LMBRD2: variants seen among roughly 807,000 people sequenced by gnomAD.
LMBRD2 encodes the protein G protein-coupled receptor-associated protein LMBRD2.
A neutral mutation model predicts 94.4 loss-of-function variants in LMBRD2; 55 were observed. That is an observed-to-expected ratio of 0.58 (90% confidence interval 0.47 to 0.73). LMBRD2 has a LOEUF of 0.73. Among genes scored for constraint, LMBRD2 ranks in the 30% least tolerant of loss-of-function variants. The probability of loss-of-function intolerance (pLI) is 0.00; values close to 1 mark genes in which losing one functional copy is unlikely to be tolerated. For missense variants in LMBRD2, 640 were observed against 831.9 expected (o/e 0.77, Z 2.84); for synonymous variants, 246 against 272.4 (o/e 0.90, Z 0.95).
chr5:36,137,440 T>A lies in LMBRD2; in HGVS notation c.370A>T (p.Ile124Phe). 6.5e-7 allele frequency: 1 copy of A among 1,527,660 alleles called. No individual in the cohort carries two copies. The highest frequency in any genetic ancestry group is 8.9e-7 in the Non-Finnish European group (1 of 1,126,668). The allele number at this position is 1,527,660 out of a possible 1,614,324, so 94.6% of individuals were successfully genotyped here. A position where few individuals can be genotyped will look rare whatever the true frequency, so the allele number is the denominator to read the frequency against. ...VYWTSQFLTW[I>F]LLPFMQSYAR... is the part of the protein sequence containing the mutation. ...TATGACTGCATAAAAGGTAAGAGAATCCTAGATGGATAGAAAAAATATGAT... is the reference window on the plus strand; with the variant it reads ...TATGACTGCATAAAAGGTAAGAGAAACCTAGATGGATAGAAAAAATATGAT... Residue 124 changes from isoleucine to phenylalanine, a missense_variant and splice_region_variant, in exon 5 of 18, where the codon ATT becomes TTT. Physicochemically the swap from Ile to Phe is conservative, Grantham distance 21. This residue lies in a region of LMBRD2 where 457 missense variants were observed against 642.8 expected (regional missense o/e 0.71). Transcript: ENST00000296603.
At chr5:36,138,934 C>T (rs1206776761) in intron 4 of LMBRD2, among the ~76,000 whole-genome samples, 3 of 152,180 alleles carry the variant, frequency 2.0e-5, no homozygotes, top group African/African-American at 7.2e-5. Flanking sequence ...CTGGAGTGGC[C>T]CCCAGCAAAG....
intron 3 of LMBRD2, 40 bp downstream of exon 3, chr5:36,142,462 C>T: frequency 8.9e-7 from 1 of 1,128,392 alleles, no homozygotes; most frequent in Non-Finnish European, 1.3e-6. Flanking sequence ...ACAATGTGTC[C>T]CCTACAATGT....
Position 36,143,385 on chromosome 5 carries a change from C to T in LMBRD2, c.-36G>A. 1 of 1,545,902 alleles carries T rather than the reference C, an allele frequency of 6.5e-7. No individual in the cohort carries two copies. The highest frequency in any genetic ancestry group is 1.1e-5 in the South Asian group (1 of 87,468). ...TTCACTCTGACTAACCAAAGTTATT[C>T]ATGTACAGGTCTGGACCATATCTAT... On this transcript the variant is annotated 5_prime_UTR_variant, in exon 2 of 18. It removes an upstream start codon present in the reference 5' UTR. Transcript: ENST00000296603.
At chr5:36,108,511 G>C in intron 16 of LMBRD2, 23 bp downstream of exon 16, 1 of 1,257,582 alleles carries the variant, frequency 8.0e-7, no homozygotes, top group Non-Finnish European at 1.1e-6. Flanking sequence ...ATTTCCAAGT[G>C]AACTAGAAGA....
rs927787669 is a variant in LMBRD2 at position 36,137,310 on chromosome 5, A to G, written c.500T>C (p.Ile167Thr). The G allele has an allele frequency of 2.1e-5, 33 of 1,602,278 alleles. No individual in the cohort carries two copies. The highest frequency in any genetic ancestry group is 2.7e-5 in the Non-Finnish European group (32 of 1,171,824). The stretch of plus-strand genomic sequence containing the variant: ...TAAATGTGGGTTTACAGCTACATAA[A>G]TTAAAAATGCTCCAAAAATCAGCAA... ...TYLLIFGAFL[I>T]YVAVNPHLHL... The change falls in exon 5 of 18, where the codon ATT becomes ACT. Residue 167 changes from isoleucine (I) to threonine (T), a missense_variant. Transcript: ENST00000296603.
intron 8 of LMBRD2, 97 bp from the exon 9 acceptor site, chr5:36,122,560 A>G: frequency 1.8e-6 from 2 of 1,093,048 alleles, no homozygotes; most frequent in South Asian, 2.8e-5. Context: ...TAACAATGGG[A>G]AAGTGCTAGG....
At position 36,108,619 on chromosome 5, in the gene LMBRD2, T is replaced by A; in HGVS notation, c.1812A>T (p.Gly604=). 1.3e-6 allele frequency: 2 copies of A among 1,543,110 alleles called. No homozygotes were observed. The highest frequency in any genetic ancestry group is 1.8e-6 in the Non-Finnish European group (2 of 1,133,798). ...NRRREWKERY[G]HNREDSTRNR... ...TCCTAGTGGAATCTTCTCTATTGTG[T>A]CCATAACGTTCTTTCCATTCCTAGA... Residue 604 remains glycine, a synonymous_variant, in exon 16 of 18, where the codon GGA becomes GGT. Transcript: ENST00000296603.
intron 4 of LMBRD2, 137 bp downstream of exon 4, chr5:36,140,970 A>T: frequency 5.3e-6 from 3 of 568,602 alleles, no homozygotes; most frequent in Non-Finnish European, 6.3e-6. Context: ...TTTGGAGCAC[A>T]GCAGAAAGAT....
rs193075145 is a variant in LMBRD2 at position 36,147,885 on chromosome 5, A to G, written c.-58+3671T>C. On this transcript the variant is annotated intron_variant, in intron 1 of 17. Transcript: ENST00000296603. ...GTCAAAACCAAAGATTCTGAAACTG[A>G]ATGAAAAATTTCTGACCGGAACCTA... 301 of 437,314 alleles carry G rather than the reference A, an allele frequency of 6.9e-4. 1 individual carries two copies. The highest frequency in any genetic ancestry group is 5.8e-3 in the African/African-American group (271 of 47,016). 27.1% of individuals were successfully genotyped at this position (437,314 alleles called of 1,614,324 possible). A position where few individuals can be genotyped will look rare whatever the true frequency, so the allele number is the denominator to read the frequency against.
intron 13 of LMBRD2, among the ~76,000 whole-genome samples, chr5:36,113,885 ATTCT>A (rs1743674860): frequency 6.6e-6 from 1 of 152,152 alleles, no homozygotes; most frequent in South Asian, 2.1e-4. Context: ...TCTACCATTC[ATTCT>A]AATTCCATGA....
intron 16 of LMBRD2, among the ~76,000 whole-genome samples, chr5:36,107,794 C>T (rs1181382613): frequency 2.0e-5 from 3 of 152,152 alleles, no homozygotes; most frequent in African/African-American, 7.2e-5. Flanking sequence ...TGGCTTGGTG[C>T]TCAGTGCAAA....
intron 3 of LMBRD2, among the ~76,000 whole-genome samples, chr5:36,141,714 C>T (rs914887814): frequency 1.3e-5 from 2 of 151,838 alleles, no homozygotes; most frequent in African/African-American, 4.8e-5. Context: ...AGCAATTATA[C>T]ATAATTCTGT....
intron 17 of LMBRD2, 150 bp downstream of exon 17, chr5:36,104,917 TA>T: frequency 1.5e-6 from 1 of 688,840 alleles, no homozygotes; most frequent in African/African-American, 1.8e-5. Flanking sequence ...TTACTTAATA[TA>T]TTTTTTATTG....
At chr5:36,128,154 C>G (rs1347021477) in intron 6 of LMBRD2, among the ~76,000 whole-genome samples, 4 of 152,176 alleles carry the variant, frequency 2.6e-5, no homozygotes, top group Non-Finnish European at 4.4e-5. Context: ...CCAAGACCAC[C>G]AAGGTGGCAC....
chr5:36,149,907 CA>C (rs560008774), intron 1 of LMBRD2, among the ~76,000 whole-genome samples: 8 of 151,906 alleles, frequency 5.3e-5, no homozygotes, highest in Non-Finnish European at 1.2e-4. Flanking sequence ...AATTTCTTCT[CA>C]AAAAATAAAA....
At chr5:36,145,570 G>A (rs1744517906) in intron 1 of LMBRD2, among the ~76,000 whole-genome samples, 1 of 152,186 alleles carries the variant, frequency 6.6e-6, no homozygotes, top group Non-Finnish European at 1.5e-5. Context: ...TTGGCTGAAA[G>A]CTCAATGCAG....
At position 36,105,131 on chromosome 5, in the gene LMBRD2, G is replaced by C; in HGVS notation, c.1964C>G (p.Ala655Gly). 3.7e-6 allele frequency: 6 copies of C among 1,612,526 alleles called. No individual in the cohort carries two copies. Among genetic ancestry groups the C allele is most frequent in the Non-Finnish European group, 5.1e-6 (6 of 1,178,830 alleles). The change falls in exon 17 of 18, where the codon GCA becomes GGA. Residue 655 changes from alanine (A) to glycine (G), a missense_variant. Transcript: ENST00000296603. ...ERDRIELLQDAEPLDFNAETF... is the reference protein window; with the variant it reads ...ERDRIELLQDGEPLDFNAETF... ...TTCTGCATTAAAATCCAAAGGTTCT[G>C]CATCTTGGAGAAGTTCTATCCGGTC...
At chr5:36,118,251 C>T (rs567918472) in intron 9 of LMBRD2, among the ~76,000 whole-genome samples, 300 of 152,292 alleles carry the variant, frequency 2.0e-3, no homozygotes, top group Middle Eastern at 0.014. Flanking sequence ...CTCCCCAAAA[C>T]ATTTCTGATA....
intron 12 of LMBRD2, 126 bp downstream of exon 12, chr5:36,114,889 T>A: frequency 1.5e-6 from 1 of 684,618 alleles, no homozygotes; most frequent in Non-Finnish European, 2.5e-6. Context: ...ACGTATACAA[T>A]CTTTAAGAGA....
Sources: allele counts gnomAD v4.1 joint callset (sites outside exome capture counted in the v4.1 genomes callset), GRCh38; gene constraint gnomAD v4.1.1; regional missense constraint gnomAD v4.1.1; transcripts MANE v1.5; gene names NCBI Gene and HGNC (gene_info 2026-07-23, HGNC 2026-07-21).